The following CFAP44 variants were observed in gnomAD, a reference collection of about 807,000 sequenced individuals.
CFAP44 encodes cilia- and flagella-associated protein 44.
A neutral mutation model predicts 216.2 loss-of-function variants in CFAP44; 134 were observed. The ratio of observed to expected loss-of-function variants is 0.62; its 90% CI spans 0.54 to 0.72. The LOEUF (loss-of-function observed/expected upper bound fraction) is 0.72. Among genes scored for constraint, CFAP44 ranks in the 30% least tolerant of loss-of-function variants. CFAP44 has a pLI of 0.00. For missense variants in CFAP44, 2,035 were observed against 2,182.1 expected (o/e 0.93, Z 1.34); for synonymous variants, 700 against 727.6 (o/e 0.96, Z 0.61).
intron 28 of CFAP44, among the ~76,000 whole-genome samples, chr3:113,315,932 T>C (rs1053150655): frequency 6.6e-6 from 1 of 152,250 alleles, no homozygotes; most frequent in African/African-American, 2.4e-5. Context: ...TGACTTGTGA[T>C]ATTTTCAATT....
At position 113,330,578 on chromosome 3, in the gene CFAP44, G is replaced by T. The variant is rs1361124525; in HGVS notation, c.3706C>A (p.Gln1236Lys). The T allele has an allele frequency of 7.8e-6, 12 of 1,537,164 alleles. No individual in the cohort carries two copies. In the South Asian group the frequency reaches 1.3e-4, roughly 17 times the overall value. ...AVVEEIQCLV[Q>K]ELKNIQSTLH... Reference sequence around the variant, plus strand: ...GTCGACTGAATGTTCTTCAGTTCTTGTACCAGGCACTGTATTTCCTCAACA... The same window carrying T: ...GTCGACTGAATGTTCTTCAGTTCTTTTACCAGGCACTGTATTTCCTCAACA... The change falls in exon 26 of 35, where the codon CAA becomes AAA. Residue 1236 changes from glutamine (Q) to lysine (K), a missense_variant. Physicochemically the swap from Gln to Lys is moderately conservative, Grantham distance 53 (BLOSUM62 1). Around this residue, in one of 3 missense-constraint regions of CFAP44, gnomAD observed 1,883 missense variants for 2,023.7 expected, o/e 0.93. Transcript: ENST00000393845.
chr3:113,383,297 G>A (rs1477941026), intron 15 of CFAP44, among the ~76,000 whole-genome samples: 1 of 152,214 alleles, frequency 6.6e-6, no homozygotes, highest in Non-Finnish European at 1.5e-5. Flanking sequence ...CAAGGGACTG[G>A]CAGATCCAGT....
At position 113,302,457 on chromosome 3, in the gene CFAP44, T is replaced by TAAAAAAAAA. The variant is rs60866565; in HGVS notation, c.5077+1450_5077+1458dup. Among the ~76,000 whole-genome samples the TAAAAAAAAA allele has an allele frequency of 2.2e-3, 166 of 75,710 alleles. 4 individuals are homozygous for TAAAAAAAAA. The highest frequency in any genetic ancestry group is 8.3e-3 in the Middle Eastern group (1 of 120). 49.7% of individuals were successfully genotyped at this position (75,710 alleles called of 152,430 possible). A position where few individuals can be genotyped will look rare whatever the true frequency, so the allele number is the denominator to read the frequency against. ...GTATCCAAAGATACACTAGACAAAG[T>TAAAAAAAAA]AAAAAAAAAAAAAAAAAAAAAAAGA... On this transcript the variant is annotated intron_variant, in intron 32 of 34. Transcript: ENST00000393845.
chr3:113,366,295 A>G lies in CFAP44; in HGVS notation c.2459T>C (p.Met820Thr), dbSNP rs747921809. The G allele has an allele frequency of 1.1e-5, 18 of 1,597,452 alleles. No individual in the cohort carries two copies. The highest frequency in any genetic ancestry group is 6.0e-6 in the Non-Finnish European group (7 of 1,167,898). ...TCCATTTTTCATTCCACAAAACATC[A>G]TAACTTTGTTAATGCTACGAAACAA... is the stretch of plus-strand genomic sequence containing the variant. Reference protein sequence around the residue: ...QTITFNINKVMMFCGMKNGAI... With the variant: ...QTITFNINKVTMFCGMKNGAI... Residue 820 changes from methionine to threonine, a missense_variant, in exon 19 of 35, where the codon ATG becomes ACG. Coordinates refer to ENST00000393845, the MANE Select transcript of CFAP44 (RefSeq NM_001164496.2).
chr3:113,325,604 T>C (rs760122426), intron 28 of CFAP44, among the ~76,000 whole-genome samples: 5 of 151,980 alleles, frequency 3.3e-5, no homozygotes, highest in Non-Finnish European at 7.4e-5. Flanking sequence ...GTGCTTTCCA[T>C]TGGAAAACTC....
At chr3:113,400,739 A>G in intron 11 of CFAP44, 95 bp from the exon 12 acceptor site, 2 of 1,086,314 alleles carry the variant, frequency 1.8e-6, no homozygotes, top group Non-Finnish European at 2.7e-6. Context: ...AATATAACAC[A>G]TGTGATTTTA....
intron 18 of CFAP44, among the ~76,000 whole-genome samples, chr3:113,370,470 C>T (rs549229249): frequency 1.4e-4 from 21 of 152,154 alleles, no homozygotes; most frequent in South Asian, 6.2e-4. Flanking sequence ...ACAGAACCAA[C>T]GACAAAAATC....
At chr3:113,388,352 ATAT>A (rs1045015667) in intron 15 of CFAP44, among the ~76,000 whole-genome samples, 1 of 152,190 alleles carries the variant, frequency 6.6e-6, no homozygotes, top group African/African-American at 2.4e-5. Context: ...AGGTTATAAG[ATAT>A]TATTTGCAAT....
chr3:113,340,943 C>T (rs1950327316), intron 24 of CFAP44, among the ~76,000 whole-genome samples: 1 of 152,210 alleles, frequency 6.6e-6, no homozygotes, highest in Non-Finnish European at 1.5e-5. Context: ...TGGAGTTGGG[C>T]CACTCGGCAG....
At chr3:113,368,942 A>C (rs1933053053) in intron 18 of CFAP44, among the ~76,000 whole-genome samples, 1 of 152,234 alleles carries the variant, frequency 6.6e-6, no homozygotes, top group Non-Finnish European at 1.5e-5. Context: ...TTGCAATCCT[A>C]GTCTCTGATA....
chr3:113,356,231 A>G (rs1172173028), intron 22 of CFAP44, among the ~76,000 whole-genome samples: 3 of 150,838 alleles, frequency 2.0e-5, no homozygotes, highest in Middle Eastern at 3.5e-3. Flanking sequence ...AAGATATATC[A>G]TGTTTATGTA....
Position 113,330,668 on chromosome 3 carries a change from C to G in CFAP44, c.3616G>C (p.Val1206Leu). The change falls in exon 26 of 35, where the codon GTC (valine) becomes CTC (leucine). Residue 1206 changes from valine (V) to leucine (L), a missense_variant and splice_region_variant. By Grantham distance (32) the Val-to-Leu change is conservative (BLOSUM62 1). Coordinates refer to ENST00000393845, the MANE Select transcript of CFAP44 (RefSeq NM_001164496.2). The stretch of plus-strand genomic sequence containing the variant: ...TTCATGTGCCTTTTATTTCCATGGA[C>G]CTGAAAAAAAGAAGAGGAAGGAAAC... ...EEELGHLDSLVHGNKRHMNKC... is the reference protein window; with the variant it reads ...EEELGHLDSLLHGNKRHMNKC... The G allele has an allele frequency of 6.6e-7, 1 of 1,522,856 alleles. No homozygotes were observed. Among genetic ancestry groups the G allele is most frequent in the Non-Finnish European group, 8.8e-7 (1 of 1,141,984 alleles). The allele number at this position is 1,522,856 out of a possible 1,614,324, so 94.3% of individuals were successfully genotyped here.
intron 28 of CFAP44, among the ~76,000 whole-genome samples, chr3:113,324,084 C>T (rs1264270998): frequency 1.4e-5 from 2 of 147,370 alleles, no homozygotes; most frequent in Admixed American, 6.7e-5. Flanking sequence ...ATTTGAACAA[C>T]CCTATAACTA....
chr3:113,415,557 A>G (rs1016055750), intron 6 of CFAP44, among the ~76,000 whole-genome samples: 1 of 151,996 alleles, frequency 6.6e-6, no homozygotes, highest in South Asian at 2.1e-4. Context: ...ATTCTGGTAT[A>G]TCCTCTCTTT....
rs868009953 is a variant in CFAP44, at chr3:113,417,017, A to G, written c.571-390T>C. ...CTGGGACTCAAGAATTTGCATTTAC[A>G]TGTCTAATAAGGTAATTTCTAACTG... On this transcript the variant is annotated intron_variant, in intron 5 of 34. Transcript: ENST00000393845. 2.6e-5 allele frequency among the ~76,000 whole-genome samples: 4 copies of G among 152,212 alleles called. No individual in the cohort carries two copies. The South Asian group carries it at 8.3e-4, about 31-fold the overall frequency.
intron 15 of CFAP44, among the ~76,000 whole-genome samples, chr3:113,394,835 A>G (rs942438046): frequency 1.3e-5 from 2 of 152,242 alleles, no homozygotes; most frequent in African/African-American, 2.4e-5. Context: ...GGGATGGACA[A>G]GCTTGGTCTA....
intron 15 of CFAP44, among the ~76,000 whole-genome samples, chr3:113,394,842 T>A (rs1470580810): frequency 6.6e-6 from 1 of 152,258 alleles, no homozygotes; most frequent in African/African-American, 2.4e-5. Context: ...ACAAGCTTGG[T>A]CTACACCATT....
At position 113,398,246 on chromosome 3, in the gene CFAP44, AT is replaced by A. The variant is rs1452553043; in HGVS notation, c.1570-1520del. ...AAGCACATAATCTTAGTATGCTCTG[AT>A]AAATGCTGTAAGAGATATACACACA... On this transcript the variant is annotated intron_variant, in intron 13 of 34. Coordinates refer to ENST00000393845, the MANE Select transcript of CFAP44 (RefSeq NM_001164496.2). Among the ~76,000 whole-genome samples, 7 of 152,284 alleles carry A rather than the reference AT, an allele frequency of 4.6e-5. No individual in the cohort carries two copies. In the South Asian group the frequency reaches 8.3e-4, roughly 18 times the overall value.
chr3:113,391,971 A>G (rs2107349482), intron 15 of CFAP44, among the ~76,000 whole-genome samples: 1 of 152,332 alleles, frequency 6.6e-6, no homozygotes, highest in Admixed American at 6.5e-5. Flanking sequence ...ACCACTATGG[A>G]GAACAGTTTG....
Sources: gnomAD v4.1 joint callset for allele counts (sites outside exome capture counted in the v4.1 genomes callset) on GRCh38, gnomAD v4.1.1 for gene constraint, gnomAD v4.1.1 regional missense constraint, MANE v1.5 for transcripts, NCBI Gene and HGNC (gene_info 2026-07-23, HGNC 2026-07-21) for gene names.